DIAPH2: variants seen among roughly 807,000 people sequenced by gnomAD.
DIAPH2 encodes the protein diaphanous related formin 2, also known as protein diaphanous homolog 2.
In DIAPH2, 35 loss-of-function variants were observed where a neutral mutation model predicts 92.7. The observed-to-expected ratio is 0.38, with a 90% confidence interval of 0.29 to 0.50. DIAPH2 has a LOEUF of 0.50. Among genes scored for constraint, DIAPH2 ranks in the 20% least tolerant of loss-of-function variants. The probability of loss-of-function intolerance (pLI) is 0.94; values close to 1 mark genes in which losing one functional copy is unlikely to be tolerated. For missense variants in DIAPH2, 701 were observed against 819.5 expected, an observed-to-expected ratio of 0.86 and a Z score of 1.77; for synonymous variants, 301 against 280.4, an observed-to-expected ratio of 1.07 and a Z score of -0.73.
At chrX:96,900,696 A>G (rs1409492589) in intron 5 of DIAPH2, among the ~76,000 whole-genome samples, 1 of 111,945 alleles carries the variant, frequency 8.9e-6, no homozygotes. Context: ...CTCTTTCTGC[A>G]TCTATTGAGA....
intron 4 of DIAPH2, among the ~76,000 whole-genome samples, chrX:96,810,546 G>T (rs1228174811): frequency 7.2e-5 from 8 of 111,541 alleles, no homozygotes; most frequent in African/African-American, 2.6e-4. Context: ...GTCAATTTTG[G>T]CTTTTGTTGC....
intron 20 of DIAPH2, among the ~76,000 whole-genome samples, chrX:97,102,664 G>T (rs887010861): frequency 8.9e-6 from 1 of 112,075 alleles, no homozygotes; most frequent in African/African-American, 3.2e-5. Context: ...AGGATGCCGG[G>T]CGCGTTGGCT....
chrX:97,601,308 A>C lies in DIAPH2; in HGVS notation c.*1991A>C, dbSNP rs1341219589. On this transcript the variant is annotated 3_prime_UTR_variant, in exon 27 of 27. Transcript: ENST00000324765. ...TATTATCAAGCTGGTCAAGGTAGAA[A>C]TACTGATATGTATCATCACCTTTTC... is the stretch of plus-strand genomic sequence containing the variant. 8.9e-6 allele frequency: 1 copy of C among 111,999 alleles called. No homozygotes were observed. The highest frequency in any genetic ancestry group is 1.9e-5 in the Non-Finnish European group (1 of 53,112). The allele number at this position is 111,999 out of a possible 1,213,427, so 9.2% of individuals were successfully genotyped here.
chrX:97,250,028 C>G (rs1458917547), intron 23 of DIAPH2, among the ~76,000 whole-genome samples: 1 of 110,551 alleles, frequency 9.0e-6, no homozygotes, highest in Non-Finnish European at 1.9e-5. Flanking sequence ...ACCTGGGAGG[C>G]AGAGGTTGCG....
At chrX:97,361,621 T>C (rs1055463522) in intron 24 of DIAPH2, among the ~76,000 whole-genome samples, 7 of 111,922 alleles carry the variant, frequency 6.3e-5, no homozygotes, top group African/African-American at 2.3e-4. Context: ...GGTTGGTTAA[T>C]TCAGTAGCTT....
At chrX:96,825,208 G>A (rs970306537) in intron 4 of DIAPH2, among the ~76,000 whole-genome samples, 3 of 107,602 alleles carry the variant, frequency 2.8e-5, no homozygotes, top group Non-Finnish European at 3.8e-5. Flanking sequence ...CACTGGCCTC[G>A]GCCTCCCAAA....
intron 26 of DIAPH2, among the ~76,000 whole-genome samples, chrX:97,482,923 G>A (rs1361132023): frequency 2.7e-5 from 3 of 111,274 alleles, no homozygotes; most frequent in African/African-American, 9.8e-5. Flanking sequence ...CATGCTCTGG[G>A]GTGGGGGGAG....
At chrX:96,935,483 T>A (rs1397764476) in intron 10 of DIAPH2, among the ~76,000 whole-genome samples, 2 of 111,316 alleles carry the variant, frequency 1.8e-5, no homozygotes, top group Non-Finnish European at 3.8e-5. Flanking sequence ...ATAACATTGA[T>A]GAGAAAAGAA....
chrX:97,445,849 T>C (rs1483485192), intron 26 of DIAPH2, among the ~76,000 whole-genome samples: 1 of 110,592 alleles, frequency 9.0e-6, no homozygotes, highest in Admixed American at 9.7e-5. Flanking sequence ...AATATAGGTG[T>C]CTAAGCATTG....
Position 96,939,553 on chromosome X carries a change from TG to T in DIAPH2, c.1325+172del, listed in dbSNP as rs1374135743. Among the ~76,000 whole-genome samples the T allele has an allele frequency of 4.4e-4, 32 of 73,151 alleles. 1 individual carries two copies. The highest frequency in any genetic ancestry group is 7.3e-4 in the Non-Finnish European group (28 of 38,452). The allele number at this position is 73,151 out of a possible 115,157, so 63.5% of individuals were successfully genotyped here. The stretch of plus-strand genomic sequence containing the variant: ...ATGTATATATATATGTATGTATATA[TG>T]TATATATATATATGTGTGTGTGTGT... On this transcript the variant is annotated intron_variant, in intron 12 of 26. Transcript: ENST00000324765.
At chrX:97,358,676 T>C (rs1291201857) in intron 24 of DIAPH2, among the ~76,000 whole-genome samples, 1 of 111,193 alleles carries the variant, frequency 9.0e-6, no homozygotes, top group Non-Finnish European at 1.9e-5. Context: ...CTTTGAAACA[T>C]CCCAGTTTAT....
chrX:96,923,002 C>A (rs947183841), intron 9 of DIAPH2, among the ~76,000 whole-genome samples: 1 of 111,298 alleles, frequency 9.0e-6, no homozygotes, highest in Non-Finnish European at 1.9e-5. Flanking sequence ...AATAGTCTGG[C>A]AGTCACTTCA....
At chrX:97,333,232 A>G (rs1381198619) in intron 23 of DIAPH2, among the ~76,000 whole-genome samples, 1 of 111,580 alleles carries the variant, frequency 9.0e-6, no homozygotes, top group Non-Finnish European at 1.9e-5. Context: ...TGCTCCTTGT[A>G]CTTCTTACTG....
intron 26 of DIAPH2, among the ~76,000 whole-genome samples, chrX:97,583,859 G>A (rs776741659): frequency 9.8e-5 from 11 of 112,495 alleles, no homozygotes; most frequent in African/African-American, 1.9e-4. Flanking sequence ...AGCCAGGTGC[G>A]GGATATAATC....
chrX:97,303,121 T>A (rs144799837), intron 23 of DIAPH2, among the ~76,000 whole-genome samples: 518 of 112,911 alleles, frequency 4.6e-3, no homozygotes, highest in African/African-American at 0.016. Context: ...GATTTGCATT[T>A]CTTTTACTTT....
At chrX:97,395,545 G>A (rs2069696853) in intron 25 of DIAPH2, among the ~76,000 whole-genome samples, 1 of 111,621 alleles carries the variant, frequency 9.0e-6, no homozygotes, top group South Asian at 3.7e-4. Flanking sequence ...ACTATTTCCA[G>A]AATACACTCT....
chrX:96,745,399 A>G (rs2064144315), intron 3 of DIAPH2, among the ~76,000 whole-genome samples: 1 of 112,343 alleles, frequency 8.9e-6, no homozygotes, highest in African/African-American at 3.2e-5. Flanking sequence ...CTTACAATTT[A>G]CTATTTAGAA....
intron 26 of DIAPH2, among the ~76,000 whole-genome samples, chrX:97,532,718 T>C (rs911183382): frequency 3.6e-5 from 4 of 112,668 alleles, no homozygotes; most frequent in Admixed American, 9.4e-5. Context: ...ACTAGCATAA[T>C]ATGGAAACAA....
intron 4 of DIAPH2, among the ~76,000 whole-genome samples, chrX:96,795,756 C>CT: frequency 8.9e-6 from 1 of 111,860 alleles, no homozygotes; most frequent in Admixed American, 9.5e-5. Flanking sequence ...CCTACTCTAG[C>CT]TTTTTTATTA....
Sources: allele counts gnomAD v4.1 joint callset (sites outside exome capture counted in the v4.1 genomes callset), GRCh38; gene constraint gnomAD v4.1.1; transcripts MANE v1.5; gene names NCBI Gene and HGNC (gene_info 2026-07-23, HGNC 2026-07-21).